Variants in SCMH1 observed in about 807,000 individuals in gnomAD.
SCMH1 encodes Scm polycomb group protein homolog 1, also known as polycomb protein SCMH1.
In SCMH1, 37 loss-of-function variants were observed where a neutral mutation model predicts 70.8. The ratio of observed to expected loss-of-function variants is 0.52; its 90% CI spans 0.40 to 0.69. The LOEUF (loss-of-function observed/expected upper bound fraction) is 0.69, where lower values mean the gene tolerates loss of function less well. SCMH1 is among the 30% of genes least tolerant of loss of function. The probability of loss-of-function intolerance (pLI) is 0.00; values close to 1 mark genes in which losing one functional copy is unlikely to be tolerated. For synonymous variants in SCMH1, 292 were observed against 307.4 expected, an observed-to-expected ratio of 0.95 and a Z score of 0.52; for missense variants, 607 against 827.3, an observed-to-expected ratio of 0.73 and a Z score of 3.27.
intron 2 of SCMH1, among the ~76,000 whole-genome samples, chr1:41,177,533 G>A (rs1294969560): frequency 6.6e-6 from 1 of 152,172 alleles, no homozygotes; most frequent in East Asian, 1.9e-4. Flanking sequence ...CCAATGCAGA[G>A]AAGTCCTTAA....
intron 10 of SCMH1, among the ~76,000 whole-genome samples, chr1:41,052,400 CTAAT>C (rs1163732810): frequency 6.6e-6 from 1 of 152,236 alleles, no homozygotes; most frequent in African/African-American, 2.4e-5. Context: ...TTATGAGAAT[CTAAT>C]TAATGGCTGA....
At chr1:41,106,784 G>C (rs908250056) in intron 8 of SCMH1, among the ~76,000 whole-genome samples, 2 of 151,786 alleles carry the variant, frequency 1.3e-5, no homozygotes, top group Non-Finnish European at 2.9e-5. Context: ...CTGCCTCCCA[G>C]GTTCAAGCGA....
intron 2 of SCMH1, among the ~76,000 whole-genome samples, chr1:41,183,798 T>C (rs921397960): frequency 6.6e-6 from 1 of 152,222 alleles, no homozygotes; most frequent in African/African-American, 2.4e-5. Context: ...CATGGTAAGA[T>C]ATCAATTATT....
chr1:41,179,830 C>A (rs980346799), intron 2 of SCMH1, among the ~76,000 whole-genome samples: 12 of 152,112 alleles, frequency 7.9e-5, no homozygotes, highest in African/African-American at 2.7e-4. Context: ...TTCCAATCAA[C>A]AGAAAAAGAA....
At chr1:41,229,468 T>C (rs1660894760) in intron 1 of SCMH1, among the ~76,000 whole-genome samples, 1 of 152,112 alleles carries the variant, frequency 6.6e-6, no homozygotes, top group Non-Finnish European at 1.5e-5. Context: ...GAAACCATCA[T>C]TCTGAGCAAA....
At chr1:41,145,361 C>T (rs373682606) in intron 5 of SCMH1, among the ~76,000 whole-genome samples, 42 of 152,058 alleles carry the variant, frequency 2.8e-4, no homozygotes, top group African/African-American at 9.4e-4. Context: ...TGTCAAAAAT[C>T]GATCGATCAT....
chr1:41,177,582 C>A (rs544031823), intron 2 of SCMH1, among the ~76,000 whole-genome samples: 1 of 152,284 alleles, frequency 6.6e-6, no homozygotes, highest in Admixed American at 6.5e-5. Flanking sequence ...ATGAGAACTA[C>A]GTGACGAATG....
chr1:41,186,285 A>G (rs1313493767), intron 1 of SCMH1, 35 bp from the exon 2 acceptor site: 4 of 583,924 alleles, frequency 6.9e-6, no homozygotes, highest in Non-Finnish European at 1.3e-5. Context: ...AAGGAGAAGA[A>G]CATTTATTAC....
At chr1:41,088,610 T>G (rs1662412570) in intron 8 of SCMH1, among the ~76,000 whole-genome samples, 1 of 152,162 alleles carries the variant, frequency 6.6e-6, no homozygotes, top group South Asian at 2.1e-4. Context: ...TAGCTGGGAC[T>G]ACAGATGTGT....
chr1:41,233,615 G>C (rs1661735542), intron 1 of SCMH1, among the ~76,000 whole-genome samples: 1 of 152,008 alleles, frequency 6.6e-6, no homozygotes, highest in Non-Finnish European at 1.5e-5. Flanking sequence ...CTAGTATTCT[G>C]AGATATCCAT....
chr1:41,120,989 G>C (rs891035253), intron 6 of SCMH1, among the ~76,000 whole-genome samples: 2 of 152,142 alleles, frequency 1.3e-5, no homozygotes, highest in African/African-American at 4.8e-5. Context: ...CTACTATTCT[G>C]AATCAGATAC....
intron 5 of SCMH1, among the ~76,000 whole-genome samples, chr1:41,150,936 C>CAAAAAAA (rs71062579): frequency 3.5e-4 from 27 of 76,134 alleles, no homozygotes; most frequent in South Asian, 5.7e-4. Context: ...GACACCATCT[C>CAAAAAAA]AAAAAAAAAA....
intron 1 of SCMH1, among the ~76,000 whole-genome samples, chr1:41,210,100 C>T (rs997292268): frequency 1.3e-5 from 2 of 152,152 alleles, no homozygotes; most frequent in East Asian, 1.9e-4. Flanking sequence ...AGTGAACTCC[C>T]ATTCACAATT....
rs1358166166 is a variant in SCMH1 at position 41,181,419 on chromosome 1, G to A, written c.13+4702C>T. ...CATCAGAGTGAACAGGCAACCTACA[G>A]AATGGGAGAAAATTTTTGCAATCTA... On this transcript the variant is annotated intron_variant, in intron 2 of 14. Transcript: ENST00000337495. Among the ~76,000 whole-genome samples the A allele has an allele frequency of 4.6e-5, 7 of 152,216 alleles. No individual in the cohort carries two copies. The South Asian group carries it at 1.5e-3, about 32-fold the overall frequency.
At chr1:41,179,592 G>A (rs1351963167) in intron 2 of SCMH1, among the ~76,000 whole-genome samples, 5 of 152,154 alleles carry the variant, frequency 3.3e-5, no homozygotes, top group East Asian at 1.9e-4. Flanking sequence ...ACACCTCTAC[G>A]CAAATAAACT....
At chr1:41,164,043 T>A (rs953102856) in intron 2 of SCMH1, among the ~76,000 whole-genome samples, 1 of 152,192 alleles carries the variant, frequency 6.6e-6, no homozygotes, top group Non-Finnish European at 1.5e-5. Context: ...TCACCATCAA[T>A]CACCTATCAT....
At chr1:41,180,420 A>C (rs1330260172) in intron 2 of SCMH1, among the ~76,000 whole-genome samples, 2 of 152,242 alleles carry the variant, frequency 1.3e-5, no homozygotes, top group African/African-American at 4.8e-5. Flanking sequence ...AGAGGAAGTC[A>C]AATTGTCCCT....
chr1:41,213,644 CT>C (rs1434022780), intron 1 of SCMH1, among the ~76,000 whole-genome samples: 1 of 152,186 alleles, frequency 6.6e-6, no homozygotes, highest in Non-Finnish European at 1.5e-5. Context: ...ATCATACCCG[CT>C]TTGTCCAATT....
intron 1 of SCMH1, among the ~76,000 whole-genome samples, chr1:41,221,615 C>T (rs1327373641): frequency 3.3e-5 from 5 of 150,936 alleles, no homozygotes; most frequent in Non-Finnish European, 7.4e-5. Context: ...GGCCCAGGCG[C>T]GGTGGCTCAT....
Sources: gnomAD v4.1 joint callset for allele counts (sites outside exome capture counted in the v4.1 genomes callset) on GRCh38, gnomAD v4.1.1 for gene constraint, MANE v1.5 for transcripts, NCBI Gene and HGNC (gene_info 2026-07-23, HGNC 2026-07-21) for gene names.